Variants in PPP4R4 observed in about 807,000 individuals in gnomAD.
PPP4R4 encodes protein phosphatase 4 regulatory subunit 4.
A neutral mutation model predicts 121.8 loss-of-function variants in PPP4R4; 70 were observed. The observed-to-expected ratio is 0.57, with a 90% CI of 0.47 to 0.70. The LOEUF (loss-of-function observed/expected upper bound fraction) is 0.70, where lower values mean the gene tolerates loss of function less well. Among genes scored for constraint, PPP4R4 ranks in the 30% least tolerant of loss-of-function variants. The pLI, the probability that PPP4R4 is intolerant of heterozygous loss-of-function variation, is 0.00. For missense variants in PPP4R4, 875 were observed against 1,033.6 expected (o/e 0.85, Z 2.10); for synonymous variants, 348 against 355.7 (o/e 0.98, Z 0.24).
At chr14:94,236,342 A>G (rs558721954) in intron 7 of PPP4R4, among the ~76,000 whole-genome samples, 1 of 152,342 alleles carries the variant, frequency 6.6e-6, no homozygotes, top group South Asian at 2.1e-4. Flanking sequence ...TTCATTGTTA[A>G]TAAATTCAAG....
intron 3 of PPP4R4, among the ~76,000 whole-genome samples, chr14:94,220,926 T>G (rs1257941937): frequency 1.3e-5 from 2 of 152,132 alleles, no homozygotes; most frequent in Non-Finnish European, 2.9e-5. Flanking sequence ...GGACCTAGAA[T>G]AGCCAAAACA....
At chr14:94,184,267 C>CTT (rs897997991) in intron 2 of PPP4R4, among the ~76,000 whole-genome samples, 2 of 148,582 alleles carry the variant, frequency 1.3e-5, no homozygotes, top group African/African-American at 4.9e-5. Flanking sequence ...TCATAGCTTT[C>CTT]TTTTTTTTTT....
At chr14:94,247,373 C>A (rs960466825) in intron 14 of PPP4R4, among the ~76,000 whole-genome samples, 14 of 152,210 alleles carry the variant, frequency 9.2e-5, no homozygotes, top group African/African-American at 3.4e-4. Context: ...GGGCTGAAAA[C>A]CCTGGGCTGC....
chr14:94,191,584 G>T (rs1234850357), intron 2 of PPP4R4, among the ~76,000 whole-genome samples: 2 of 152,074 alleles, frequency 1.3e-5, no homozygotes, highest in African/African-American at 4.8e-5. Context: ...GTACAGAACA[G>T]CAGAACTTAT....
intron 2 of PPP4R4, among the ~76,000 whole-genome samples, chr14:94,194,819 A>G (rs1889784014): frequency 6.6e-6 from 1 of 152,158 alleles, no homozygotes; most frequent in Non-Finnish European, 1.5e-5. Flanking sequence ...GAACAAAACA[A>G]CATGTTCACA....
chr14:94,271,690 G>T (rs1894339684), intron 23 of PPP4R4, among the ~76,000 whole-genome samples: 2 of 152,150 alleles, frequency 1.3e-5, no homozygotes, highest in Non-Finnish European at 2.9e-5. Flanking sequence ...TTGGAAGGAA[G>T]AACTCAAATT....
At chr14:94,214,601 G>C (rs913247056) in intron 3 of PPP4R4, among the ~76,000 whole-genome samples, 1 of 151,806 alleles carries the variant, frequency 6.6e-6, no homozygotes, top group Non-Finnish European at 1.5e-5. Context: ...TATGTCTCCT[G>C]TATATGGGTA....
chr14:94,234,065 C>T lies in PPP4R4; in HGVS notation c.623+306C>T, dbSNP rs561647380. On this transcript the variant is annotated intron_variant, in intron 6 of 24. Transcript: ENST00000304338. ...TCTTATTGACTTTCAAAATTGGCAG[C>T]GGCATAAAGATAGAATTGCTGCTTT... Among the ~76,000 whole-genome samples the T allele has an allele frequency of 3.3e-5, 5 of 152,170 alleles. No individual in the cohort carries two copies. In the East Asian group the frequency reaches 5.8e-4, roughly 18 times the overall value.
At chr14:94,245,703 G>A in intron 13 of PPP4R4, 33 bp downstream of exon 13, 2 of 1,446,196 alleles carry the variant, frequency 1.4e-6, no homozygotes, top group Non-Finnish European at 1.9e-6. Context: ...ATTCTGAGTT[G>A]TGTAAATATT....
chr14:94,214,351 G>T (rs1890904937), intron 3 of PPP4R4, among the ~76,000 whole-genome samples: 1 of 152,078 alleles, frequency 6.6e-6, no homozygotes, highest in Admixed American at 6.5e-5. Flanking sequence ...GGATAAAAGG[G>T]ACATAATCAA....
At position 94,265,688 on chromosome 14, in the gene PPP4R4, G is replaced by A. The variant is rs569963887; in HGVS notation, c.2285-106G>A. On this transcript the variant is annotated intron_variant, in intron 21 of 24. Transcript: ENST00000304338. The stretch of plus-strand genomic sequence containing the variant: ...CTCAAATTAAGGAAAAAAGGCTAAA[G>A]CCATCTGTGTTTTACTGAAAATGAT... 187 of 925,104 alleles carry A rather than the reference G, an allele frequency of 2.0e-4. 3 individuals are homozygous for A. In the South Asian group the frequency reaches 2.8e-3, roughly 14 times the overall value. The allele number at this position is 925,104 out of a possible 1,614,324, so 57.3% of individuals were successfully genotyped here.
chr14:94,229,590 A>G (rs998264483), intron 3 of PPP4R4, among the ~76,000 whole-genome samples: 4 of 152,224 alleles, frequency 2.6e-5, no homozygotes, highest in Admixed American at 6.5e-5. Context: ...ATAAATCACA[A>G]AAGTTCTGTT....
intron 2 of PPP4R4, among the ~76,000 whole-genome samples, chr14:94,206,611 G>T (rs1025354278): frequency 6.6e-6 from 1 of 151,318 alleles, no homozygotes; most frequent in Non-Finnish European, 1.5e-5. Flanking sequence ...TATCTTAATT[G>T]CAAATTAGTG....
At chr14:94,242,257 C>T (rs376761687) in intron 10 of PPP4R4, 32 bp from the exon 11 acceptor site, 1 of 1,603,882 alleles carries the variant, frequency 6.2e-7, no homozygotes, top group Non-Finnish European at 8.5e-7. Flanking sequence ...TTCTTTCCTT[C>T]CCACTCATCT....
At chr14:94,184,004 G>A (rs987963205) in intron 2 of PPP4R4, among the ~76,000 whole-genome samples, 2 of 152,078 alleles carry the variant, frequency 1.3e-5, no homozygotes, top group African/African-American at 4.8e-5. Flanking sequence ...TATCATAAAT[G>A]TATATGCATG....
intron 3 of PPP4R4, among the ~76,000 whole-genome samples, chr14:94,209,739 A>G (rs1164127961): frequency 6.6e-6 from 1 of 152,156 alleles, no homozygotes; most frequent in East Asian, 1.9e-4. Context: ...CAGTTAAACA[A>G]TAGCAGAAAG....
chr14:94,183,710 C>T (rs1889111466), intron 2 of PPP4R4, among the ~76,000 whole-genome samples: 1 of 151,940 alleles, frequency 6.6e-6, no homozygotes, highest in Admixed American at 6.6e-5. Context: ...TAAAAGTGAC[C>T]CATATAATGT....
At chr14:94,236,767 T>C (rs1021282327) in intron 7 of PPP4R4, among the ~76,000 whole-genome samples, 8 of 152,320 alleles carry the variant, frequency 5.3e-5, no homozygotes, top group Admixed American at 5.2e-4. Flanking sequence ...TTGGAGAAAG[T>C]TCTACTTGAC....
rs1306490685 is a variant in PPP4R4, at chr14:94,265,839, A to G, written c.2330A>G (p.Asn777Ser). 6.2e-6 allele frequency: 10 copies of G among 1,610,072 alleles called. No individual in the cohort carries two copies. The highest frequency in any genetic ancestry group is 8.5e-6 in the Non-Finnish European group (10 of 1,177,330). The change falls in exon 22 of 25, where the codon AAT becomes AGT. Residue 777 changes from asparagine (N) to serine (S), a missense_variant. Physicochemically the swap from Asn to Ser is conservative, Grantham distance 46. Transcript: ENST00000304338. ...AAACTGATTCGAAGCCAGTCTTTTAATAATCAAGCTTTTCATGCAAAATAT... is the reference window on the plus strand; with the variant it reads ...AAACTGATTCGAAGCCAGTCTTTTAGTAATCAAGCTTTTCATGCAAAATAT... ...KSKLIRSQSFNNQAFHAKYGN... is the reference protein window; with the variant it reads ...KSKLIRSQSFSNQAFHAKYGN...
Sources: gnomAD v4.1 joint callset for allele counts (sites outside exome capture counted in the v4.1 genomes callset) on GRCh38, gnomAD v4.1.1 for gene constraint, MANE v1.5 for transcripts, NCBI Gene and HGNC (gene_info 2026-07-23, HGNC 2026-07-21) for gene names.